PBLD: variants seen among roughly 807,000 people sequenced by gnomAD.
PBLD encodes phenazine biosynthesis like protein domain containing.
In PBLD, 26 loss-of-function variants were observed where a neutral mutation model predicts 31.3. That is an observed-to-expected ratio of 0.83 (90% CI 0.61 to 1.15). The LOEUF (loss-of-function observed/expected upper bound fraction) is 1.15, where lower values mean the gene tolerates loss of function less well. Among genes scored for constraint, PBLD ranks in the 50% most tolerant of loss-of-function variants. The pLI is 0.00. For missense variants in PBLD, 307 were observed against 351.7 expected (o/e 0.87, Z 1.02); for synonymous variants, 114 against 129.0 (o/e 0.88, Z 0.79).
At chr10:68,332,606 G>A (rs1018058363) in intron 1 of PBLD, among the ~76,000 whole-genome samples, 178 bp downstream of exon 1, 5 of 152,194 alleles carry the variant, frequency 3.3e-5, no homozygotes, top group African/African-American at 4.8e-5. Flanking sequence ...GCCAGGGGAG[G>A]GGGTGGTCAA....
intron 1 of PBLD, among the ~76,000 whole-genome samples, chr10:68,328,663 T>G (rs2044962995): frequency 6.6e-6 from 1 of 152,332 alleles, no homozygotes; most frequent in Admixed American, 6.5e-5. Context: ...GTCCTTGGTT[T>G]TAACCATCTC....
chr10:68,309,728 A>G (rs10762219), intron 1 of PBLD, among the ~76,000 whole-genome samples: 109,706 of 144,616 alleles, frequency 0.76, 43,660 homozygotes, highest in Non-Finnish European at 0.85. Context: ...GAATCGCTTG[A>G]ACACAGAGTC....
chr10:68,326,328 C>T (rs2044919984), intron 1 of PBLD, among the ~76,000 whole-genome samples: 1 of 152,206 alleles, frequency 6.6e-6, no homozygotes, highest in Non-Finnish European at 1.5e-5. Context: ...GCATGAGCCA[C>T]TGTGCCAAGC....
chr10:68,293,747 G>T, intron 4 of PBLD, among the ~76,000 whole-genome samples: 1 of 152,108 alleles, frequency 6.6e-6, no homozygotes, highest in East Asian at 1.9e-4. Context: ...GGCCGAGGCG[G>T]GTGGTTCACC....
At chr10:68,284,587 T>C (rs1021131133) in intron 9 of PBLD, among the ~76,000 whole-genome samples, 2 of 152,168 alleles carry the variant, frequency 1.3e-5, no homozygotes. Context: ...TCATCGCTTC[T>C]TCCCCTGCTC....
In PBLD at chr10:68,283,356, A is replaced by G. The variant is rs1169110422; in HGVS notation, c.*821T>C. ...AAAATTACTTCTAAACTTGCCCCCC[A>G]CACATGAACTGTTTTCAGTTTGCTA... On this transcript the variant is annotated 3_prime_UTR_variant, in exon 10 of 10. Transcript: ENST00000358769. The G allele has an allele frequency of 1.3e-5, 2 of 152,176 alleles. No individual in the cohort carries two copies. Among genetic ancestry groups the G allele is most frequent in the African/African-American group, 4.8e-5 (2 of 41,434 alleles). 9.4% of individuals were successfully genotyped at this position (152,176 alleles called of 1,614,324 possible).
chr10:68,301,727 C>G (rs1248971244), intron 2 of PBLD, among the ~76,000 whole-genome samples: 2 of 152,160 alleles, frequency 1.3e-5, no homozygotes, highest in Non-Finnish European at 2.9e-5. Flanking sequence ...TTAAAACATC[C>G]TACATTGTAG....
intron 1 of PBLD, among the ~76,000 whole-genome samples, chr10:68,326,470 C>T (rs576284642): frequency 7.2e-4 from 109 of 152,318 alleles, no homozygotes; most frequent in African/African-American, 2.4e-3. Flanking sequence ...CAGCACATTA[C>T]ATCGGAAATA....
chr10:68,296,487 A>G, intron 3 of PBLD, 123 bp from the exon 4 acceptor site: 1 of 689,444 alleles, frequency 1.5e-6, no homozygotes, highest in South Asian at 1.9e-5. Context: ...ATGTTGTAAA[A>G]GGAGGAATGA....
intron 1 of PBLD, among the ~76,000 whole-genome samples, chr10:68,307,378 C>T (rs760711809): frequency 1.3e-5 from 2 of 152,150 alleles, no homozygotes; most frequent in South Asian, 2.1e-4. Context: ...TTTTAAAATA[C>T]TGGCTAAATT....
At chr10:68,310,619 C>A (rs2044653727) in intron 1 of PBLD, among the ~76,000 whole-genome samples, 1 of 149,786 alleles carries the variant, frequency 6.7e-6, no homozygotes, top group South Asian at 2.1e-4. Flanking sequence ...CAGCCACCCC[C>A]ACCTCTGACA....
chr10:68,330,843 G>A (rs114249295), intron 1 of PBLD, among the ~76,000 whole-genome samples: 184 of 151,868 alleles, frequency 1.2e-3, no homozygotes, highest in African/African-American at 4.1e-3. Flanking sequence ...AACCCTCTGC[G>A]CAGAAATTCG....
At chr10:68,317,162 T>C (rs1185185088) in intron 1 of PBLD, among the ~76,000 whole-genome samples, 3 of 152,180 alleles carry the variant, frequency 2.0e-5, no homozygotes, top group Admixed American at 6.5e-5. Context: ...AAAGCAAGAA[T>C]ATAGACCAAA....
At chr10:68,296,741 C>T in intron 3 of PBLD, 145 bp downstream of exon 3, 5 of 689,444 alleles carry the variant, frequency 7.3e-6, no homozygotes, top group South Asian at 5.4e-5. Flanking sequence ...TGGTGGCTCA[C>T]ACCTATAATG....
intron 1 of PBLD, among the ~76,000 whole-genome samples, chr10:68,318,375 TAAAAAAAAA>T (rs34722771): frequency 2.0e-5 from 1 of 51,274 alleles, no homozygotes. Flanking sequence ...CTGCCTCTAT[TAAAAAAAAA>T]AAAAAAAAAA....
At chr10:68,298,162 G>A (rs892705605) in intron 2 of PBLD, among the ~76,000 whole-genome samples, 3 of 152,198 alleles carry the variant, frequency 2.0e-5, no homozygotes, top group African/African-American at 7.2e-5. Context: ...GGCGGAGGTA[G>A]GAGGATCTCT....
At chr10:68,322,785 C>T (rs973956358) in intron 1 of PBLD, among the ~76,000 whole-genome samples, 3 of 151,960 alleles carry the variant, frequency 2.0e-5, no homozygotes, top group African/African-American at 7.3e-5. Flanking sequence ...CAGGGCCTCA[C>T]TCTGTTATCC....
At chr10:68,325,521 C>T (rs1184624950) in intron 1 of PBLD, among the ~76,000 whole-genome samples, 8 of 152,118 alleles carry the variant, frequency 5.3e-5, no homozygotes, top group South Asian at 2.1e-4. Flanking sequence ...GCTGAGATCA[C>T]GCCACTGCCC....
chr10:68,295,381 T>C (rs2044410806), intron 4 of PBLD, among the ~76,000 whole-genome samples: 1 of 151,464 alleles, frequency 6.6e-6, no homozygotes, highest in Non-Finnish European at 1.5e-5. Context: ...GGGTCTCAGC[T>C]ACTTTGGAGG....
Sources: allele counts gnomAD v4.1 joint callset (sites outside exome capture counted in the v4.1 genomes callset), GRCh38; gene constraint gnomAD v4.1.1; transcripts MANE v1.5; gene names NCBI Gene and HGNC (gene_info 2026-07-23, HGNC 2026-07-21).